The following AOX1 variants were observed in gnomAD, a reference collection of about 807,000 sequenced individuals.
AOX1 encodes the protein aldehyde oxidase 1, also known as aldehyde oxidase.
In AOX1, 153 loss-of-function variants were observed where a neutral mutation model predicts 169.5. That is an observed-to-expected ratio of 0.90 (90% confidence interval 0.79 to 1.03). AOX1 has a LOEUF of 1.03. AOX1 is among the 50% of genes least tolerant of loss of function. The pLI is 0.00. For synonymous variants in AOX1, 562 were observed against 581.9 expected, an observed-to-expected ratio of 0.97 and a Z score of 0.49; for missense variants, 1,656 against 1,663.9, an observed-to-expected ratio of 1.00 and a Z score of 0.08.
intron 19 of AOX1, among the ~76,000 whole-genome samples, chr2:200,626,901 C>A (rs375834552): frequency 1.3e-5 from 2 of 152,226 alleles, no homozygotes. Flanking sequence ...CCTGTTACTT[C>A]CATTTTACAG....
intron 29 of AOX1, among the ~76,000 whole-genome samples, chr2:200,661,184 T>G (rs2035812060): frequency 6.6e-6 from 1 of 152,202 alleles, no homozygotes; most frequent in Non-Finnish European, 1.5e-5. Flanking sequence ...TAAATATGAA[T>G]TATAAAATGA....
At chr2:200,610,900 CTGGAG>C (rs2034623715) in intron 12 of AOX1, among the ~76,000 whole-genome samples, 1 of 152,088 alleles carries the variant, frequency 6.6e-6, no homozygotes, top group Non-Finnish European at 1.5e-5. Context: ...GTCATCCAGG[CTGGAG>C]TGCAGTGGCA....
At chr2:200,657,165 A>AAAAATATATATATAT (rs1179205121) in intron 27 of AOX1, among the ~76,000 whole-genome samples, 2 of 88,408 alleles carry the variant, frequency 2.3e-5, no homozygotes, top group African/African-American at 1.0e-4. Flanking sequence ...CTCTACCAAA[A>AAAAATATATATATAT]ATATATATAT....
chr2:200,681,515 A>G (rs1426248729), downstream of AOX1: 1 of 152,662 alleles, frequency 6.6e-6, no homozygotes, highest in African/African-American at 2.4e-5. Context: ...CTTCAACTGT[A>G]GAAGAGTATT....
chr2:200,639,707 T>C (rs1307647847), intron 23 of AOX1, among the ~76,000 whole-genome samples: 1 of 152,056 alleles, frequency 6.6e-6, no homozygotes, highest in Admixed American at 6.5e-5. Flanking sequence ...GGAATATATA[T>C]AGGCACTTTG....
chr2:200,664,165 C>T (rs1574963727), intron 31 of AOX1, among the ~76,000 whole-genome samples: 1 of 152,206 alleles, frequency 6.6e-6, no homozygotes, highest in African/African-American at 2.4e-5. Context: ...CACTCTGTCA[C>T]CCAGGCTGGA....
At chr2:200,634,267 C>T (rs529896438) in intron 20 of AOX1, among the ~76,000 whole-genome samples, 2 of 138,984 alleles carry the variant, frequency 1.4e-5, no homozygotes, top group South Asian at 2.4e-4. Context: ...ACAACAACAA[C>T]AACAAAAAAA....
At chr2:200,649,159 T>C (rs1257054676) in intron 25 of AOX1, among the ~76,000 whole-genome samples, 2 of 152,144 alleles carry the variant, frequency 1.3e-5, no homozygotes, top group Non-Finnish European at 2.9e-5. Context: ...TCTTTCTCCC[T>C]GTGGAGTTTC....
intron 15 of AOX1, 33 bp from the exon 16 acceptor site, chr2:200,615,938 A>G (rs1328438388): frequency 4.0e-6 from 6 of 1,516,416 alleles, no homozygotes; most frequent in Non-Finnish European, 4.6e-6. Context: ...CATTCAAACT[A>G]TTTAAAATAT....
chr2:200,647,361 G>A (rs1030121488), intron 25 of AOX1, among the ~76,000 whole-genome samples: 7 of 152,244 alleles, frequency 4.6e-5, no homozygotes, highest in South Asian at 2.1e-4. Context: ...AGTTTCACTG[G>A]ATACAAAATT....
intron 16 of AOX1, among the ~76,000 whole-genome samples, chr2:200,618,542 T>A (rs1424980393): frequency 6.6e-6 from 1 of 152,160 alleles, no homozygotes; most frequent in Non-Finnish European, 1.5e-5. Context: ...GGTTTTTTTA[T>A]TTTCAAATCA....
intron 15 of AOX1, among the ~76,000 whole-genome samples, chr2:200,615,685 A>G (rs1446527940): frequency 6.6e-6 from 1 of 152,136 alleles, no homozygotes; most frequent in African/African-American, 2.4e-5. Context: ...ATCATTTAGG[A>G]GAGTATATGA....
At chr2:200,657,165 A>AAAATATATATATAT (rs1179205121) in intron 27 of AOX1, among the ~76,000 whole-genome samples, 1 of 88,368 alleles carries the variant, frequency 1.1e-5, no homozygotes, top group African/African-American at 5.2e-5. Context: ...CTCTACCAAA[A>AAAATATATATATAT]ATATATATAT....
chr2:200,642,609 G>C lies in AOX1; in HGVS notation c.2656-1G>C, dbSNP rs779365051. On this transcript the variant is annotated splice_acceptor_variant, in intron 24 of 34. Coordinates refer to ENST00000374700, the MANE Select transcript of AOX1 (RefSeq NM_001159.4). LOFTEE classifies it high-confidence loss of function. ...ATCACATCAACTCTGGATTTCTCCA[G>C]GTGATAGAAATGGGACTTCTGAAAA... The C allele has an allele frequency of 1.2e-6, 2 of 1,613,310 alleles. No homozygotes were observed. The highest frequency in any genetic ancestry group is 4.5e-5 in the East Asian group (2 of 44,866).
chr2:200,641,558 T>C (rs1457169966), intron 24 of AOX1, among the ~76,000 whole-genome samples: 1 of 152,034 alleles, frequency 6.6e-6, no homozygotes, highest in Non-Finnish European at 1.5e-5. Context: ...TACCACCCTG[T>C]AGTCTTTTTT....
At chr2:200,599,528 C>A in intron 4 of AOX1, 92 bp from the exon 5 acceptor site, 1 of 1,039,736 alleles carries the variant, frequency 9.6e-7, no homozygotes, top group Non-Finnish European at 1.4e-6. Context: ...GCAGACAAAT[C>A]ACCTGGGGAT....
intron 14 of AOX1, among the ~76,000 whole-genome samples, 188 bp downstream of exon 14, chr2:200,612,981 T>G (rs1046031777): frequency 8.0e-5 from 12 of 150,458 alleles, no homozygotes; most frequent in Non-Finnish European, 1.6e-4. Context: ...AATTCTGAAG[T>G]GGGAATTATA....
Position 200,615,980 on chromosome 2 carries a change from C to A in AOX1, c.1621C>A (p.His541Asn). 1 of 1,612,544 alleles carries A rather than the reference C, an allele frequency of 6.2e-7. No homozygotes were observed. Among genetic ancestry groups the A allele is most frequent in the South Asian group, 1.1e-5 (1 of 91,018 alleles). The change falls in exon 16 of 35, where the codon CAC (histidine) becomes AAC (asparagine). Residue 541 changes from histidine (H) to asparagine (N), a missense_variant. By Grantham distance (68) the His-to-Asn change is moderately conservative. Coordinates refer to ENST00000374700, the MANE Select transcript of AOX1 (RefSeq NM_001159.4). ...TGGTTCTACTTTTCAGGATCCAGTT[C>A]ACTATCCTAGCCTTGCAGACAAGTA... Reference protein sequence around the residue: ...SQILKKMDPVHYPSLADKYES... With the variant: ...SQILKKMDPVNYPSLADKYES...
intron 1 of AOX1, among the ~76,000 whole-genome samples, chr2:200,586,648 C>T (rs563508517): frequency 6.6e-6 from 1 of 152,348 alleles, no homozygotes; most frequent in Non-Finnish European, 1.5e-5. Context: ...CGAACACATT[C>T]AAACCACCCC....
Sources: allele counts gnomAD v4.1 joint callset (sites outside exome capture counted in the v4.1 genomes callset), GRCh38; gene constraint gnomAD v4.1.1; transcripts MANE v1.5; gene names NCBI Gene and HGNC (gene_info 2026-07-23, HGNC 2026-07-21).